AXDND1: variants seen among roughly 807,000 people sequenced by gnomAD.
AXDND1 encodes the protein axonemal dynein light chain domain containing 1.
A neutral mutation model predicts 137.5 loss-of-function variants in AXDND1; 110 were observed. The observed-to-expected ratio is 0.80, with a 90% confidence interval of 0.69 to 0.94. AXDND1 has a LOEUF of 0.94. AXDND1 is among the 40% of genes least tolerant of loss of function. The probability of loss-of-function intolerance (pLI) is 0.00; values close to 1 mark genes in which losing one functional copy is unlikely to be tolerated. For synonymous variants in AXDND1, 414 were observed against 399.7 expected (o/e 1.04, Z -0.43); for missense variants, 1,191 against 1,169.8 (o/e 1.02, Z -0.26).
At chr1:179,440,872 T>C (rs1658882637) in intron 15 of AXDND1, among the ~76,000 whole-genome samples, 1 of 152,234 alleles carries the variant, frequency 6.6e-6, no homozygotes, top group African/African-American at 2.4e-5. Flanking sequence ...ACAATGTTGA[T>C]AGGATCTGAA....
At chr1:179,446,172 G>GT (rs888560634) in intron 16 of AXDND1, among the ~76,000 whole-genome samples, 5 of 151,792 alleles carry the variant, frequency 3.3e-5, no homozygotes, top group South Asian at 2.1e-4. Context: ...CTTTGCCTAT[G>GT]TTTTTTTTCT....
intron 25 of AXDND1, chr1:179,552,314 A>C: frequency 2.1e-6 from 1 of 484,098 alleles, no homozygotes; most frequent in Non-Finnish European, 3.8e-6. Flanking sequence ...CCAGCACTAG[A>C]GAAGAGGGAT....
intron 12 of AXDND1, among the ~76,000 whole-genome samples, chr1:179,416,566 A>C (rs1011753822): frequency 1.3e-5 from 2 of 152,226 alleles, no homozygotes; most frequent in Non-Finnish European, 2.9e-5. Flanking sequence ...AAGTGACTCC[A>C]TGTTGAATGC....
intron 18 of AXDND1, among the ~76,000 whole-genome samples, chr1:179,489,376 C>G (rs535471165): frequency 1.3e-5 from 2 of 152,254 alleles, no homozygotes; most frequent in South Asian, 4.1e-4. Flanking sequence ...ATAATAACAT[C>G]TATTTGTGCT....
chr1:179,441,987 G>A (rs1210267927), intron 15 of AXDND1, among the ~76,000 whole-genome samples: 2 of 152,142 alleles, frequency 1.3e-5, no homozygotes, highest in African/African-American at 2.4e-5. Flanking sequence ...GGCTCTGTAC[G>A]CTATTATTTA....
At position 179,429,539 on chromosome 1, in the gene AXDND1, A is replaced by C; in HGVS notation, c.1252A>C (p.Ile418Leu). The part of the protein sequence containing the change: ...ALKVIERNRV[I>L]LARRLYLNEK... Reference sequence around the variant, plus strand: ...ATAGGTGATTGAAAGAAATAGAGTCATATTGGCTAGAAGACTTTACCTTAA... The same window carrying C: ...ATAGGTGATTGAAAGAAATAGAGTCCTATTGGCTAGAAGACTTTACCTTAA... The change falls in exon 13 of 26, where the codon ATA becomes CTA. Residue 418 changes from isoleucine to leucine, a missense_variant. Physicochemically the swap from Ile to Leu is conservative, Grantham distance 5. Transcript: ENST00000367618. 2.6e-6 allele frequency: 4 copies of C among 1,553,168 alleles called. No individual in the cohort carries two copies. Among genetic ancestry groups the C allele is most frequent in the Non-Finnish European group, 3.5e-6 (4 of 1,151,646 alleles).
rs140555349 is a variant in AXDND1 at position 179,387,493 on chromosome 1, A to G, written c.863+2134A>G. ...GTCCACCTCTTAATACTGTTATAAT[A>G]ACAATTAAATTTCAACACTAGTTAT... On this transcript the variant is annotated intron_variant, in intron 9 of 25. Coordinates refer to ENST00000367618, the MANE Select transcript of AXDND1 (RefSeq NM_144696.6). Among the ~76,000 whole-genome samples the G allele has an allele frequency of 1.4e-3, 215 of 152,382 alleles. 10 individuals are homozygous for G. The East Asian group carries it at 0.029, about 20-fold the overall frequency.
At chr1:179,483,947 A>T (rs1190770857) in intron 18 of AXDND1, among the ~76,000 whole-genome samples, 1 of 152,196 alleles carries the variant, frequency 6.6e-6, no homozygotes, top group Non-Finnish European at 1.5e-5. Context: ...CCACTGAGGG[A>T]CTAGAAGATT....
At chr1:179,369,946 G>T (rs761070786) in intron 3 of AXDND1, 29 bp from the exon 4 acceptor site, 4 of 1,525,278 alleles carry the variant, frequency 2.6e-6, no homozygotes, top group East Asian at 4.5e-5. Context: ...CCCTCTGCTG[G>T]ATATTCATGT....
chr1:179,386,872 G>A (rs1298056049), intron 9 of AXDND1, among the ~76,000 whole-genome samples: 2 of 151,814 alleles, frequency 1.3e-5, no homozygotes, highest in Non-Finnish European at 2.9e-5. Context: ...CTACAAGTGT[G>A]TGCCACCACA....
chr1:179,506,804 A>G, intron 20 of AXDND1: 1 of 970,334 alleles, frequency 1.0e-6, no homozygotes, highest in African/African-American at 1.8e-5. Flanking sequence ...TCCACCTTGG[A>G]CCACAATAGG....
intron 18 of AXDND1, among the ~76,000 whole-genome samples, chr1:179,483,630 C>T (rs1201698440): frequency 6.6e-6 from 1 of 152,104 alleles, no homozygotes; most frequent in Non-Finnish European, 1.5e-5. Context: ...TACATTAATC[C>T]CTTCTTTGGC....
intron 9 of AXDND1, among the ~76,000 whole-genome samples, chr1:179,390,150 A>G (rs1340834592): frequency 6.6e-6 from 1 of 151,896 alleles, no homozygotes; most frequent in African/African-American, 2.4e-5. Context: ...AGTAGCTGGG[A>G]TTATAGGCAT....
In AXDND1 at chr1:179,385,237, G is replaced by A; in HGVS notation, c.742-1G>A. 2 of 1,608,234 alleles carry A rather than the reference G, an allele frequency of 1.2e-6. No individual in the cohort carries two copies. Among genetic ancestry groups the A allele is most frequent in the Non-Finnish European group, 1.7e-6 (2 of 1,174,900 alleles). On this transcript the variant is annotated splice_acceptor_variant, in intron 8 of 25. Transcript: ENST00000367618. LOFTEE classifies it high-confidence loss of function. ...TGATTATGTTACTTACCTTCTGACA[G>A]ATGCACAAACTACTACATATATTGA...
chr1:179,444,927 T>C, intron 15 of AXDND1, 43 bp from the exon 16 acceptor site: 1 of 1,376,632 alleles, frequency 7.3e-7, no homozygotes, highest in Non-Finnish European at 1.0e-6. Flanking sequence ...ATAAACTCAT[T>C]AGTGGATAAT....
chr1:179,530,904 A>G (rs1670981700), intron 23 of AXDND1, among the ~76,000 whole-genome samples: 2 of 152,152 alleles, frequency 1.3e-5, no homozygotes, highest in African/African-American at 4.8e-5. Context: ...GACACAATCA[A>G]TTAGCTGGGA....
intron 24 of AXDND1, 112 bp downstream of exon 24, chr1:179,533,989 C>G (rs1467069273): frequency 1.3e-6 from 1 of 796,594 alleles, no homozygotes; most frequent in African/African-American, 1.7e-5. Flanking sequence ...TCTTTATCCA[C>G]ATTAGGGGGA....
intron 17 of AXDND1, 111 bp from the exon 18 acceptor site, chr1:179,483,017 A>G (rs1665609946): frequency 4.7e-6 from 3 of 633,544 alleles, no homozygotes; most frequent in Non-Finnish European, 7.8e-6. Flanking sequence ...AGCAGTTGTC[A>G]ACATCTAAGT....
At chr1:179,438,554 A>G (rs913377166) in intron 15 of AXDND1, among the ~76,000 whole-genome samples, 2 of 152,228 alleles carry the variant, frequency 1.3e-5, no homozygotes, top group Non-Finnish European at 2.9e-5. Context: ...AAAAATTATC[A>G]TGCTTAAGGC....
Sources: allele counts gnomAD v4.1 joint callset (sites outside exome capture counted in the v4.1 genomes callset), GRCh38; gene constraint gnomAD v4.1.1; transcripts MANE v1.5; gene names NCBI Gene and HGNC (gene_info 2026-07-23, HGNC 2026-07-21).